The following FBXO8 variants were observed in gnomAD, a reference collection of about 807,000 sequenced individuals.
FBXO8 encodes F-box only protein 8.
A neutral mutation model predicts 33.4 loss-of-function variants in FBXO8; 15 were observed. The observed-to-expected ratio is 0.45, with a 90% confidence interval of 0.30 to 0.69. The LOEUF is 0.69. Among genes scored for constraint, FBXO8 ranks in the 30% least tolerant of loss-of-function variants. FBXO8 has a pLI of 0.08. For missense variants in FBXO8, 274 were observed against 380.3 expected (o/e 0.72, Z 2.32); for synonymous variants, 132 against 131.5 (o/e 1.00, Z -0.02).
intron 3 of FBXO8, among the ~76,000 whole-genome samples, chr4:174,243,346 G>A (rs928509733): frequency 6.6e-6 from 1 of 151,124 alleles, no homozygotes; most frequent in Non-Finnish European, 1.5e-5. Flanking sequence ...GAGGCATCAG[G>A]TTCAAGCTTG....
rs1442444037 is a variant in FBXO8, at chr4:174,257,909, G to T, written c.456+1790C>A. On this transcript the variant is annotated intron_variant, in intron 3 of 5. Transcript: ENST00000393674. This position sits in a 1 kb window ranked among gnomAD's most constrained non-coding sequence, Gnocchi z 4.3. Reference sequence around the variant, plus strand: ...CTAGCTAATTTTTTAAAAATTTTTTGTGGAGACAGGACCTCCCTATGTTGT... The same window carrying T: ...CTAGCTAATTTTTTAAAAATTTTTTTTGGAGACAGGACCTCCCTATGTTGT... Among the ~76,000 whole-genome samples, 1 of 151,808 alleles carries T rather than the reference G, an allele frequency of 6.6e-6. No individual in the cohort carries two copies. Among genetic ancestry groups the T allele is most frequent in the Non-Finnish European group, 1.5e-5 (1 of 67,946 alleles).
At chr4:174,282,494 T>C (rs955253050) in intron 1 of FBXO8, among the ~76,000 whole-genome samples, 7 of 152,186 alleles carry the variant, frequency 4.6e-5, no homozygotes, top group Non-Finnish European at 1.0e-4. Flanking sequence ...TGACCCAATA[T>C]GAAAAAAATA....
intron 1 of FBXO8, among the ~76,000 whole-genome samples, chr4:174,279,130 G>A (rs1311891056): frequency 1.3e-5 from 2 of 151,966 alleles, no homozygotes; most frequent in African/African-American, 2.4e-5. Context: ...TTACCCTAAA[G>A]ATTCTACCAA....
At position 174,270,086 on chromosome 4, in the gene FBXO8, A is replaced by G. The variant is rs1736802248; in HGVS notation, c.-8-6986T>C. 6.6e-6 allele frequency among the ~76,000 whole-genome samples: 1 copy of G among 152,202 alleles called. No homozygotes were observed. The highest frequency in any genetic ancestry group is 1.5e-5 in the Non-Finnish European group (1 of 68,040). On this transcript the variant is annotated intron_variant, in intron 1 of 5. Transcript: ENST00000393674. This position sits in a 1 kb window ranked among gnomAD's most constrained non-coding sequence, Gnocchi z 4.6. ...GAAGCCTGACATGAATGGCTACTGA[A>G]TGGCTACTGAATGTGGACTGGCAAC...
rs944437998 is a variant in FBXO8, at chr4:174,270,885, G to A, written c.-8-7785C>T. Among the ~76,000 whole-genome samples, 3 of 152,146 alleles carry A rather than the reference G, an allele frequency of 2.0e-5. No individual in the cohort carries two copies. Among genetic ancestry groups the A allele is most frequent in the African/African-American group, 4.8e-5 (2 of 41,414 alleles). ...GCCCGCCTCGGCTTCTCAGGAATAG[G>A]TTTTAAACTAATATTGGGATAAGTA... On this transcript the variant is annotated intron_variant, in intron 1 of 5. Coordinates refer to ENST00000393674, the MANE Select transcript of FBXO8 (RefSeq NM_012180.3). The surrounding 1 kb of genome is among the most constrained non-coding windows in gnomAD (Gnocchi z 4.6).
intron 3 of FBXO8, among the ~76,000 whole-genome samples, chr4:174,250,593 T>C (rs1372447012): frequency 6.6e-6 from 1 of 152,096 alleles, no homozygotes; most frequent in Non-Finnish European, 1.5e-5. Context: ...AACTTTATGA[T>C]ATAAAAGAAG....
In FBXO8 at chr4:174,268,421, T is replaced by A. The variant is rs115014973; in HGVS notation, c.-8-5321A>T. 9.7e-3 allele frequency among the ~76,000 whole-genome samples: 1,455 copies of A among 149,808 alleles called. 25 individuals are homozygous for A. Among genetic ancestry groups the A allele is most frequent in the African/African-American group, 0.034 (1,382 of 40,560 alleles). On this transcript the variant is annotated intron_variant, in intron 1 of 5. Coordinates refer to ENST00000393674, the MANE Select transcript of FBXO8 (RefSeq NM_012180.3). Reference sequence around the variant, plus strand: ...TTCTGCACTAGGCTTGGGGGCCATTTTTTGTTTTGTTTTGTTTTGTTTTGT... The same window carrying A: ...TTCTGCACTAGGCTTGGGGGCCATTATTTGTTTTGTTTTGTTTTGTTTTGT...
chr4:174,242,452 A>G (rs1003030435), intron 3 of FBXO8, among the ~76,000 whole-genome samples: 1 of 151,596 alleles, frequency 6.6e-6, no homozygotes, highest in African/African-American at 2.4e-5. Flanking sequence ...GACTTTTTAT[A>G]TAAAACTAAC....
chr4:174,250,649 G>T (rs890587148), intron 3 of FBXO8, among the ~76,000 whole-genome samples: 1 of 152,040 alleles, frequency 6.6e-6, no homozygotes, highest in Non-Finnish European at 1.5e-5. Flanking sequence ...ACAGTTAGCT[G>T]GTTTTAAAAA....
chr4:174,241,080 A>G lies in FBXO8; in HGVS notation c.575+20T>C, dbSNP rs1437645230. The G allele has an allele frequency of 7.1e-7, 1 of 1,417,104 alleles. No individual in the cohort carries two copies. The highest frequency in any genetic ancestry group is 1.8e-5 in the Admixed American group (1 of 57,056). The allele number at this position is 1,417,104 out of a possible 1,614,324, so 87.8% of individuals were successfully genotyped here. A position where few individuals can be genotyped will look rare whatever the true frequency, so the allele number is the denominator to read the frequency against. Reference sequence around the variant, plus strand: ...CATTACTTAACTCATTTTGGATGAAAAGTTAATTTTCGTTTTTACCTTTCA... The same window carrying G: ...CATTACTTAACTCATTTTGGATGAAGAGTTAATTTTCGTTTTTACCTTTCA... On this transcript the variant is annotated intron_variant, in intron 4 of 5. Coordinates refer to ENST00000393674, the MANE Select transcript of FBXO8 (RefSeq NM_012180.3). This position sits in a 1 kb window ranked among gnomAD's most constrained non-coding sequence, Gnocchi z 4.2.
At chr4:174,258,968 A>G (rs898640194) in intron 3 of FBXO8, among the ~76,000 whole-genome samples, 3 of 152,056 alleles carry the variant, frequency 2.0e-5, no homozygotes, top group Non-Finnish European at 4.4e-5. Context: ...AAAATAATGC[A>G]CCCAAAAGTA....
In FBXO8 at chr4:174,250,389, G is replaced by T. The variant is rs74574950; in HGVS notation, c.457-9171C>A. Among the ~76,000 whole-genome samples, 1,298 of 152,040 alleles carry T rather than the reference G, an allele frequency of 8.5e-3. 51 individuals carry two copies. Among genetic ancestry groups the T allele is most frequent in the East Asian group, 0.058 (300 of 5,174 alleles). ...CCCCTTCCATAAAATGTATAAGCTG[G>T]ATCAAATATTAGCGGCAGATAAAAC... is the stretch of plus-strand genomic sequence containing the variant. On this transcript the variant is annotated intron_variant, in intron 3 of 5. Coordinates refer to ENST00000393674, the MANE Select transcript of FBXO8 (RefSeq NM_012180.3).
rs1736565952 is a variant in FBXO8, at chr4:174,261,657, G to A, written c.329+1107C>T. Among the ~76,000 whole-genome samples the A allele has an allele frequency of 6.6e-6, 1 of 151,904 alleles. No homozygotes were observed. The highest frequency in any genetic ancestry group is 2.4e-5 in the African/African-American group (1 of 41,408). On this transcript the variant is annotated intron_variant, in intron 2 of 5. Transcript: ENST00000393674. This position sits in a 1 kb window ranked among gnomAD's most constrained non-coding sequence, Gnocchi z 4.1. ...TACTTTCACTATGTCAAACAAATGA[G>A]TAAAAGAATAACAAGATATGATATT...
At position 174,239,067 on chromosome 4, in the gene FBXO8, A is replaced by T; in HGVS notation, c.699T>A (p.Thr233=). ...ATCTATGTGAGAACTTTGTTATAAG[A>T]GTTTCAAGATACTCTCCACGCTCTT... ...APEERGEYLE[T]LITKFSHRFC... is the part of the protein sequence containing the mutation. The change falls in exon 5 of 6, where the codon ACT becomes ACA. Residue 233 remains threonine, a synonymous_variant. Coordinates refer to ENST00000393674, the MANE Select transcript of FBXO8 (RefSeq NM_012180.3). The T allele has an allele frequency of 6.2e-7, 1 of 1,607,988 alleles. No homozygotes were observed. Among genetic ancestry groups the T allele is most frequent in the Non-Finnish European group, 8.5e-7 (1 of 1,176,538 alleles).
chr4:174,254,151 G>A lies in FBXO8; in HGVS notation c.456+5548C>T, dbSNP rs1205310919. Among the ~76,000 whole-genome samples the A allele has an allele frequency of 1.3e-5, 2 of 152,192 alleles. No homozygotes were observed. The highest frequency in any genetic ancestry group is 2.9e-5 in the Non-Finnish European group (2 of 68,020). ...AATGTGGAACATGCTGAGTCGAGCA[G>A]CATAATGAAGGGTGCTGAGAACTCA... On this transcript the variant is annotated intron_variant, in intron 3 of 5. Transcript: ENST00000393674. The surrounding 1 kb of genome is among the most constrained non-coding windows in gnomAD (Gnocchi z 4.2).
intron 1 of FBXO8, among the ~76,000 whole-genome samples, chr4:174,280,214 C>T (rs1426991683): frequency 6.6e-6 from 1 of 151,934 alleles, no homozygotes. Context: ...AATACACTAA[C>T]GTCCAATAAG....
chr4:174,238,797 A>G (rs1174983616), intron 5 of FBXO8, among the ~76,000 whole-genome samples, 197 bp downstream of exon 5: 1 of 151,004 alleles, frequency 6.6e-6, no homozygotes, highest in Admixed American at 6.6e-5. Flanking sequence ...ACACACACGC[A>G]CACCATAGCT....
intron 4 of FBXO8, among the ~76,000 whole-genome samples, chr4:174,240,108 A>T (rs1735993665): frequency 6.7e-6 from 1 of 150,300 alleles, no homozygotes. Flanking sequence ...GACAAAGATC[A>T]TATGACCCAC....
Position 174,263,064 on chromosome 4 carries a change from C to G in FBXO8, c.29G>C (p.Arg10Thr), listed in dbSNP as rs1431002511. MGQGLWRVV[R>T]NQQLQQEGYS... ...GCCTTCTTGTTGCAGCTGCTGGTTT[C>G]TGACCACTCTCCACAACCCTTGACC... The change falls in exon 2 of 6, where the codon AGA (arginine) becomes ACA (threonine). Residue 10 changes from arginine (R) to threonine (T), a missense_variant. Physicochemically the swap from Arg to Thr is moderately conservative, Grantham distance 71. This residue lies in a region of FBXO8 where 88 missense variants were observed against 86.9 expected (regional missense o/e 1.01). Coordinates refer to ENST00000393674, the MANE Select transcript of FBXO8 (RefSeq NM_012180.3). The surrounding 1 kb of genome is among the most constrained non-coding windows in gnomAD (Gnocchi z 4.2). 11 of 1,613,750 alleles carry G rather than the reference C, an allele frequency of 6.8e-6. No individual in the cohort carries two copies. The South Asian group carries it at 1.1e-4, about 16-fold the overall frequency.
Sources: gnomAD v4.1 joint callset for allele counts (sites outside exome capture counted in the v4.1 genomes callset) on GRCh38, gnomAD v4.1.1 for gene constraint, gnomAD v4.1.1 regional missense constraint, Gnocchi (gnomAD v3.1) non-coding constraint, MANE v1.5 for transcripts, NCBI Gene and HGNC (gene_info 2026-07-23, HGNC 2026-07-21) for gene names.